The following ERC2 variants were observed in gnomAD, a reference collection of about 807,000 sequenced individuals.
ERC2 encodes the protein ELKS/RAB6-interacting/CAST family member 2.
ERC2 carries 42 observed loss-of-function variants against 114.8 expected under a neutral mutation model. The observed-to-expected ratio is 0.37, with a 90% CI of 0.29 to 0.47. ERC2 has a LOEUF of 0.47. Among genes scored for constraint, ERC2 ranks in the 20% least tolerant of loss-of-function variants. ERC2 has a pLI of 0.99. For missense variants in ERC2, 939 were observed against 1,150.7 expected (o/e 0.82, Z 2.66); for synonymous variants, 454 against 425.5 (o/e 1.07, Z -0.82).
chr3:55,958,067 T>C (rs958260248), intron 12 of ERC2, among the ~76,000 whole-genome samples: 3 of 152,192 alleles, frequency 2.0e-5, no homozygotes, highest in African/African-American at 7.2e-5. Context: ...ATGAAGTATA[T>C]GGACAACTGG....
intron 2 of ERC2, among the ~76,000 whole-genome samples, chr3:56,393,599 A>G (rs1368743134): frequency 6.6e-6 from 1 of 152,170 alleles, no homozygotes; most frequent in Admixed American, 6.5e-5. Context: ...AGCTCTTGAA[A>G]CCAAAGATTA....
intron 3 of ERC2, among the ~76,000 whole-genome samples, chr3:56,199,627 T>A (rs2048297958): frequency 6.6e-6 from 1 of 151,740 alleles, no homozygotes; most frequent in Non-Finnish European, 1.5e-5. Flanking sequence ...CCCACCTAAG[T>A]CTCCCAGGAA....
At chr3:56,315,082 A>C (rs1177121765) in intron 2 of ERC2, among the ~76,000 whole-genome samples, 1 of 152,164 alleles carries the variant, frequency 6.6e-6, no homozygotes, top group East Asian at 1.9e-4. Flanking sequence ...CCATAACCAC[A>C]TTCCTTACTC....
At position 56,001,398 on chromosome 3, in the gene ERC2, T is replaced by C. The variant is rs975856304; in HGVS notation, c.2061+5783A>G. Among the ~76,000 whole-genome samples, 103 of 152,124 alleles carry C rather than the reference T, an allele frequency of 6.8e-4. 1 individual carries two copies. The highest frequency in any genetic ancestry group is 1.5e-4 in the Non-Finnish European group (10 of 68,014). ...ACAATTAAGGGTAGAAAATCCATCA[T>C]GCTGCATCCCTATCAGTCCAAAAAA... On this transcript the variant is annotated intron_variant, in intron 10 of 17. Coordinates refer to ENST00000288221, the MANE Select transcript of ERC2 (RefSeq NM_015576.3).
In ERC2 at chr3:55,972,703, T is replaced by C. The variant is rs1052810972; in HGVS notation, c.2267+13274A>G. 3.3e-5 allele frequency among the ~76,000 whole-genome samples: 5 copies of C among 152,336 alleles called. No individual in the cohort carries two copies. In the East Asian group the frequency reaches 5.8e-4, roughly 18 times the overall value. On this transcript the variant is annotated intron_variant, in intron 12 of 17. Transcript: ENST00000288221. Reference sequence around the variant, plus strand: ...GATGGGCATTTGGGTTGGTTCCAAGTCTTTGCTATTGTAAATAGTGCTGCA... The same window carrying C: ...GATGGGCATTTGGGTTGGTTCCAAGCCTTTGCTATTGTAAATAGTGCTGCA...
chr3:55,808,701 T>TTATATATA (rs377604698), intron 14 of ERC2, among the ~76,000 whole-genome samples: 994 of 61,484 alleles, frequency 0.016, 11 homozygotes, highest in South Asian at 0.021. Flanking sequence ...TACCATAATT[T>TTATATATA]TATATATATA....
At chr3:55,629,463 G>A (rs1463256687) in intron 17 of ERC2, among the ~76,000 whole-genome samples, 2 of 152,306 alleles carry the variant, frequency 1.3e-5, no homozygotes, top group East Asian at 3.9e-4. Context: ...CAGTTTTCCT[G>A]GTGATTTTAT....
At chr3:56,084,867 T>TAAAAAAAA (rs35491624) in intron 6 of ERC2, among the ~76,000 whole-genome samples, 7 of 133,006 alleles carry the variant, frequency 5.3e-5, no homozygotes, top group East Asian at 2.1e-4. Flanking sequence ...ATTTAAAAAT[T>TAAAAAAAA]AAAAAAAAAA....
intron 17 of ERC2, among the ~76,000 whole-genome samples, chr3:55,652,669 C>T (rs574368287): frequency 6.6e-5 from 10 of 152,010 alleles, no homozygotes; most frequent in East Asian, 3.9e-4. Flanking sequence ...GTCATGAGTT[C>T]GAGACCAACC....
intron 13 of ERC2, among the ~76,000 whole-genome samples, chr3:55,915,660 C>T (rs1372770167): frequency 6.6e-6 from 1 of 152,136 alleles, no homozygotes; most frequent in African/African-American, 2.4e-5. Flanking sequence ...GCTTTCCTAC[C>T]TTCTGACTGG....
chr3:55,696,664 G>A (rs961969203), intron 16 of ERC2, among the ~76,000 whole-genome samples: 5 of 152,156 alleles, frequency 3.3e-5, no homozygotes, highest in South Asian at 4.2e-4. Flanking sequence ...CATTGATAAC[G>A]ACTTTATTCT....
chr3:55,964,838 C>A (rs2068633148), intron 12 of ERC2, among the ~76,000 whole-genome samples: 1 of 152,172 alleles, frequency 6.6e-6, no homozygotes, highest in Non-Finnish European at 1.5e-5. Flanking sequence ...CAGTTCTATG[C>A]CTGAGGTTCC....
At chr3:56,428,648 T>A (rs916393604) in intron 2 of ERC2, among the ~76,000 whole-genome samples, 1 of 152,218 alleles carries the variant, frequency 6.6e-6, no homozygotes, top group African/African-American at 2.4e-5. Flanking sequence ...ATGTGATCCA[T>A]CTCGATCTTT....
intron 15 of ERC2, among the ~76,000 whole-genome samples, chr3:55,720,127 CTT>C (rs1340115610): frequency 8.1e-5 from 1 of 12,374 alleles, no homozygotes; most frequent in African/African-American, 5.0e-4. Context: ...CCTCCTTCTT[CTT>C]CCTCTTCTTC....
intron 14 of ERC2, among the ~76,000 whole-genome samples, chr3:55,756,383 C>T (rs2067061191): frequency 6.6e-6 from 1 of 152,066 alleles, no homozygotes; most frequent in African/African-American, 2.4e-5. Context: ...AGTCTATGCC[C>T]TTGACATCAA....
intron 10 of ERC2, among the ~76,000 whole-genome samples, chr3:55,993,489 T>C (rs1421583626): frequency 2.6e-5 from 4 of 152,112 alleles, no homozygotes; most frequent in Non-Finnish European, 4.4e-5. Flanking sequence ...TGACAGTCTT[T>C]GCAATGATTT....
chr3:55,530,608 C>T (rs1355596263), intron 17 of ERC2, among the ~76,000 whole-genome samples: 4 of 152,168 alleles, frequency 2.6e-5, no homozygotes, highest in East Asian at 3.9e-4. Context: ...AATCTCCCTG[C>T]GAGAACCTCC....
At chr3:56,223,436 A>C (rs1311628504) in intron 3 of ERC2, among the ~76,000 whole-genome samples, 1 of 152,026 alleles carries the variant, frequency 6.6e-6, no homozygotes, top group Admixed American at 6.6e-5. Context: ...ATACGCAAGA[A>C]AGTGGAAGCC....
chr3:56,184,398 A>G (rs186475172), intron 3 of ERC2, among the ~76,000 whole-genome samples: 3 of 152,354 alleles, frequency 2.0e-5, no homozygotes, highest in African/African-American at 7.2e-5. Flanking sequence ...AAAAGGGAAT[A>G]TATTTCCTGG....
Sources: gnomAD v4.1 joint callset for allele counts (sites outside exome capture counted in the v4.1 genomes callset) on GRCh38, gnomAD v4.1.1 for gene constraint, MANE v1.5 for transcripts, NCBI Gene and HGNC (gene_info 2026-07-23, HGNC 2026-07-21) for gene names.